Variants in UNC13C observed in about 807,000 individuals in gnomAD.
UNC13C encodes unc-13 homolog C.
UNC13C carries 174 observed loss-of-function variants against 245.4 expected under a neutral mutation model. The ratio of observed to expected loss-of-function variants is 0.71; its 90% CI spans 0.63 to 0.80. UNC13C has a LOEUF of 0.80. Ranked by LOEUF, UNC13C falls within the 30% of genes least tolerant of loss-of-function variation. UNC13C has a pLI of 0.00. For synonymous variants in UNC13C, 992 were observed against 895.1 expected (o/e 1.11, Z -1.93); for missense variants, 2,829 against 2,602.9 (o/e 1.09, Z -1.89).
intron 17 of UNC13C, among the ~76,000 whole-genome samples, chr15:54,362,630 A>G (rs957481432): frequency 1.2e-4 from 18 of 152,172 alleles, no homozygotes; most frequent in Non-Finnish European, 1.3e-4. Flanking sequence ...ACTTTCAGAT[A>G]TATACATCCT....
rs796645862 is a variant in UNC13C, at chr15:54,567,860, C to T, written c.6019C>T (p.Leu2007Phe). 6.2e-7 allele frequency: 1 copy of T among 1,603,502 alleles called. No individual in the cohort carries two copies. ...KKNFLEKSPDLQSLRYALSLY... is the reference protein window; with the variant it reads ...KKNFLEKSPDFQSLRYALSLY... ...GAATTTCTTGGAGAAAAGCCCAGAT[C>T]TTCAGTCTCTGAGATATGCTCTCAG... Residue 2007 changes from leucine to phenylalanine, a missense_variant, in exon 30 of 33, where the codon CTT (leucine) becomes TTT (phenylalanine). By Grantham distance (22) the Leu-to-Phe change is conservative. Transcript: ENST00000260323.
At chr15:54,257,957 A>G (rs1020174355) in intron 8 of UNC13C, among the ~76,000 whole-genome samples, 3 of 152,192 alleles carry the variant, frequency 2.0e-5, no homozygotes, top group Admixed American at 6.5e-5. Context: ...CAGAGAGACA[A>G]TGAAAGCAGG....
chr15:54,406,205 G>C (rs191322351), intron 18 of UNC13C, among the ~76,000 whole-genome samples: 12 of 152,296 alleles, frequency 7.9e-5, no homozygotes, highest in Admixed American at 3.3e-4. Context: ...GAATTGCGGG[G>C]ACGTGTATAG....
intron 17 of UNC13C, among the ~76,000 whole-genome samples, chr15:54,341,244 G>T (rs1185638820): frequency 6.6e-6 from 1 of 152,094 alleles, no homozygotes. Context: ...AGAAAATGTG[G>T]TATATGCACA....
At chr15:54,334,534 AT>A (rs989685351) in intron 16 of UNC13C, among the ~76,000 whole-genome samples, 1 of 151,942 alleles carries the variant, frequency 6.6e-6, no homozygotes, top group South Asian at 2.1e-4. Context: ...AATAGCAACA[AT>A]TTTTTTCTTT....
chr15:53,998,356 A>C (rs2914989), intron 1 of UNC13C, among the ~76,000 whole-genome samples: 13,954 of 152,134 alleles, frequency 0.092, 775 homozygotes, highest in Middle Eastern at 0.19. Context: ...AAAATATGTC[A>C]GTAAATTTTT....
At chr15:54,572,424 A>ATTTTTT (rs1336090253) in intron 30 of UNC13C, among the ~76,000 whole-genome samples, 1 of 131,620 alleles carries the variant, frequency 7.6e-6, no homozygotes, top group African/African-American at 2.8e-5. Flanking sequence ...TGTCTCTTTA[A>ATTTTTT]TTTTTTTTTT....
chr15:54,194,127 G>T (rs2034276897), intron 4 of UNC13C, among the ~76,000 whole-genome samples: 1 of 152,134 alleles, frequency 6.6e-6, no homozygotes, highest in East Asian at 1.9e-4. Flanking sequence ...AGGAAGCAAG[G>T]TTTGCAGAGA....
chr15:53,954,697 T>A, the UNC13C span, among the ~76,000 whole-genome samples: 1 of 152,144 alleles, frequency 6.6e-6, no homozygotes. Context: ...ATTTAGATGG[T>A]TCTCAGGGCA....
chr15:54,350,079 C>T (rs914280401), intron 17 of UNC13C, among the ~76,000 whole-genome samples: 2 of 152,094 alleles, frequency 1.3e-5, no homozygotes, highest in African/African-American at 4.8e-5. Context: ...GCAAGCTCCG[C>T]CTCCTGGCTT....
chr15:54,387,143 C>A (rs538614509), intron 17 of UNC13C, among the ~76,000 whole-genome samples: 16 of 152,060 alleles, frequency 1.1e-4, no homozygotes, highest in South Asian at 2.1e-4. Flanking sequence ...AATGAGCCAA[C>A]GGAGTAAAGT....
chr15:54,199,881 C>A (rs575575027), intron 4 of UNC13C, among the ~76,000 whole-genome samples: 1 of 152,128 alleles, frequency 6.6e-6, no homozygotes, highest in Non-Finnish European at 1.5e-5. Flanking sequence ...AAATGTTCTA[C>A]TTAAAAGATA....
intron 19 of UNC13C, among the ~76,000 whole-genome samples, chr15:54,455,037 A>G (rs1393074637): frequency 1.3e-5 from 2 of 151,144 alleles, no homozygotes; most frequent in Non-Finnish European, 3.0e-5. Flanking sequence ...CCTCCCACTT[A>G]TAAGTGAGAA....
chr15:54,372,472 C>T (rs2039508859), intron 17 of UNC13C, among the ~76,000 whole-genome samples: 1 of 152,084 alleles, frequency 6.6e-6, no homozygotes, highest in Non-Finnish European at 1.5e-5. Flanking sequence ...AAAGAGAATA[C>T]ACTGATAACA....
At chr15:54,506,645 TCTC>T (rs199729373) in intron 22 of UNC13C, among the ~76,000 whole-genome samples, 3,774 of 152,220 alleles carry the variant, frequency 0.025, 59 homozygotes, top group Non-Finnish European at 0.041. Context: ...AAATTAAACA[TCTC>T]TTCTTCAGCT....
chr15:53,896,561 A>G, the UNC13C span, among the ~76,000 whole-genome samples: 4 of 152,090 alleles, frequency 2.6e-5, no homozygotes, highest in Admixed American at 1.3e-4. Flanking sequence ...AAGTGGATAT[A>G]TGTTTTTCAC....
the UNC13C span, chr15:53,911,413 G>A: frequency 0.093 from 14,177 of 152,336 alleles, 739 homozygotes; most frequent in East Asian, 0.18. Context: ...TAGAACATGA[G>A]CAGCCAATGG....
the UNC13C span, among the ~76,000 whole-genome samples, chr15:53,858,567 T>A: frequency 2.0e-5 from 3 of 152,026 alleles, no homozygotes. Context: ...ATTACAGGCA[T>A]GCCTCACCGC....
intron 13 of UNC13C, 24 bp from the exon 14 acceptor site, chr15:54,321,915 C>T (rs1346013418): frequency 3.9e-6 from 6 of 1,545,908 alleles, no homozygotes; most frequent in Non-Finnish European, 5.2e-6. Context: ...GTCTTAAAAA[C>T]ACTTTATGTT....
Sources: allele counts gnomAD v4.1 joint callset (sites outside exome capture counted in the v4.1 genomes callset), GRCh38; gene constraint gnomAD v4.1.1; transcripts MANE v1.5; gene names NCBI Gene and HGNC (gene_info 2026-07-23, HGNC 2026-07-21).